SLC4A4: variants seen among roughly 807,000 people sequenced by gnomAD.
The protein encoded by SLC4A4 is solute carrier family 4 member 4.
Under a neutral mutation model 111.5 loss-of-function variants are expected in SLC4A4, and 27 were observed. The ratio of observed to expected loss-of-function variants is 0.24; its 90% CI spans 0.18 to 0.33. SLC4A4 has a LOEUF of 0.33. Ranked by LOEUF, SLC4A4 falls within the 10% of genes least tolerant of loss-of-function variation. SLC4A4 has a pLI of 1.00. For synonymous variants in SLC4A4, 443 were observed against 463.4 expected, an observed-to-expected ratio of 0.96 and a Z score of 0.57; for missense variants, 909 against 1,315.5, an observed-to-expected ratio of 0.69 and a Z score of 4.78.
At chr4:71,562,763 T>C (rs1459037467) in intron 23 of SLC4A4, among the ~76,000 whole-genome samples, 2 of 151,806 alleles carry the variant, frequency 1.3e-5, no homozygotes, top group East Asian at 1.9e-4. Flanking sequence ...AAGATTAATA[T>C]TGTTTATGTG....
intron 2 of SLC4A4, among the ~76,000 whole-genome samples, chr4:71,158,222 C>A (rs1744530458): frequency 6.6e-6 from 1 of 151,204 alleles, no homozygotes; most frequent in South Asian, 2.1e-4. Flanking sequence ...AGCCACACAG[C>A]ATCTCCATAG....
intron 1 of SLC4A4, among the ~76,000 whole-genome samples, chr4:71,216,855 T>C (rs956989686): frequency 6.6e-6 from 1 of 152,192 alleles, no homozygotes. Context: ...ATGACAATAC[T>C]AGCTACGTGC....
At chr4:71,278,834 G>A (rs1324844298) in intron 3 of SLC4A4, among the ~76,000 whole-genome samples, 1 of 152,110 alleles carries the variant, frequency 6.6e-6, no homozygotes, top group Non-Finnish European at 1.5e-5. Context: ...CTGTTGAGTT[G>A]TATGAGTTCC....
intron 3 of SLC4A4, among the ~76,000 whole-genome samples, chr4:71,268,955 C>T (rs72850701): frequency 6.6e-6 from 1 of 152,318 alleles, no homozygotes; most frequent in African/African-American, 2.4e-5. Context: ...TTCCATAGCC[C>T]TTGATGCAAT....
At chr4:71,361,432 A>C (rs1322216820) in intron 6 of SLC4A4, among the ~76,000 whole-genome samples, 3 of 152,124 alleles carry the variant, frequency 2.0e-5, no homozygotes, top group Non-Finnish European at 4.4e-5. Flanking sequence ...TCAAAATGCT[A>C]ATTATTGTGA....
intron 6 of SLC4A4, among the ~76,000 whole-genome samples, chr4:71,378,958 T>TA (rs1249001578): frequency 2.0e-5 from 3 of 152,192 alleles, no homozygotes; most frequent in African/African-American, 7.2e-5. Context: ...TACCCTTCAG[T>TA]AACCATACTC....
chr4:71,232,607 C>T (rs1719510132), intron 1 of SLC4A4, among the ~76,000 whole-genome samples: 1 of 152,082 alleles, frequency 6.6e-6, no homozygotes, highest in Non-Finnish European at 1.5e-5. Flanking sequence ...AGAGATGGGT[C>T]TTGCTATGTT....
intron 7 of SLC4A4, among the ~76,000 whole-genome samples, chr4:71,408,639 T>C (rs1303069837): frequency 6.6e-6 from 1 of 152,258 alleles, no homozygotes; most frequent in African/African-American, 2.4e-5. Context: ...TCTTATTGAA[T>C]GCACATTACT....
chr4:71,463,785 G>T (rs555646252), intron 12 of SLC4A4, among the ~76,000 whole-genome samples: 14 of 152,274 alleles, frequency 9.2e-5, no homozygotes, highest in Non-Finnish European at 1.5e-4. Flanking sequence ...ACCACATGTA[G>T]AGATGGTGGA....
chr4:71,318,673 A>C (rs1253915814), intron 3 of SLC4A4, among the ~76,000 whole-genome samples: 1 of 152,066 alleles, frequency 6.6e-6, no homozygotes, highest in Non-Finnish European at 1.5e-5. Flanking sequence ...GATTAGGTGA[A>C]TATAACATTA....
intron 1 of SLC4A4, among the ~76,000 whole-genome samples, chr4:71,218,703 A>G (rs1718572320): frequency 6.6e-6 from 1 of 152,172 alleles, no homozygotes; most frequent in African/African-American, 2.4e-5. Context: ...CAGTTTTATC[A>G]TCTGTAAAAG....
intron 7 of SLC4A4, 109 bp from the exon 8 acceptor site, chr4:71,440,507 T>C (rs1724618457): frequency 8.3e-7 from 1 of 1,206,356 alleles, no homozygotes; most frequent in Admixed American, 1.7e-5. Flanking sequence ...AGGAATTTCC[T>C]GTGAGTGATA....
At chr4:71,293,344 A>G (rs1247711133) in intron 3 of SLC4A4, among the ~76,000 whole-genome samples, 1 of 151,368 alleles carries the variant, frequency 6.6e-6, no homozygotes, top group African/African-American at 2.4e-5. Flanking sequence ...CAGGTGGATC[A>G]CCTGAGGTCA....
intron 3 of SLC4A4, among the ~76,000 whole-genome samples, chr4:71,288,782 A>G (rs140769997): frequency 2.0e-5 from 3 of 152,214 alleles, no homozygotes; most frequent in African/African-American, 7.2e-5. Flanking sequence ...TGTGTAGTTC[A>G]GCTATTTATT....
intron 8 of SLC4A4, among the ~76,000 whole-genome samples, chr4:71,446,390 G>A (rs1207472104): frequency 1.3e-5 from 2 of 152,180 alleles, no homozygotes; most frequent in African/African-American, 4.8e-5. Context: ...GCATCCAGAA[G>A]TGACCCAGAG....
intron 2 of SLC4A4, among the ~76,000 whole-genome samples, chr4:71,135,246 CAT>C (rs1743811510): frequency 6.6e-6 from 1 of 151,048 alleles, no homozygotes; most frequent in South Asian, 2.1e-4. Flanking sequence ...AGCTAATTAA[CAT>C]ATGTATTACC....
At chr4:71,318,179 A>G (rs747606754) in intron 3 of SLC4A4, among the ~76,000 whole-genome samples, 1 of 152,016 alleles carries the variant, frequency 6.6e-6, no homozygotes, top group Non-Finnish European at 1.5e-5. Flanking sequence ...GTTTGTACAC[A>G]CCCCAAATAA....
chr4:71,295,114 C>T (rs949956303), intron 3 of SLC4A4, among the ~76,000 whole-genome samples: 1 of 152,118 alleles, frequency 6.6e-6, no homozygotes, highest in African/African-American at 2.4e-5. Context: ...GTAAACAGCT[C>T]ATTTCTGCAG....
At chr4:71,465,931 T>C (rs1193424430) in intron 12 of SLC4A4, among the ~76,000 whole-genome samples, 1 of 152,112 alleles carries the variant, frequency 6.6e-6, no homozygotes, top group Non-Finnish European at 1.5e-5. Flanking sequence ...GACAAATCAC[T>C]TTTTTGGTCC....
Sources: gnomAD v4.1 joint callset for allele counts (sites outside exome capture counted in the v4.1 genomes callset) on GRCh38, gnomAD v4.1.1 for gene constraint, MANE v1.5 for transcripts, NCBI Gene and HGNC (gene_info 2026-07-23, HGNC 2026-07-21) for gene names.